Variants in ARHGAP32 observed in about 807,000 individuals in gnomAD.
ARHGAP32 encodes rho GTPase-activating protein 32.
ARHGAP32 carries 51 observed loss-of-function variants against 186.5 expected under a neutral mutation model. That is an observed-to-expected ratio of 0.27 (90% CI 0.22 to 0.35). The LOEUF (loss-of-function observed/expected upper bound fraction) is 0.35. Ranked by LOEUF, ARHGAP32 falls within the 10% of genes least tolerant of loss-of-function variation. ARHGAP32 has a pLI of 1.00. For synonymous variants in ARHGAP32, 950 were observed against 964.3 expected, an observed-to-expected ratio of 0.99 and a Z score of 0.27; for missense variants, 2,186 against 2,623.5, an observed-to-expected ratio of 0.83 and a Z score of 3.64.
chr11:128,980,865 G>C (rs960818995), intron 17 of ARHGAP32, 117 bp from the exon 18 acceptor site: 1 of 753,898 alleles, frequency 1.3e-6, no homozygotes, highest in African/African-American at 1.8e-5. Flanking sequence ...CTTCAAGTAT[G>C]TTAAATAGCA....
chr11:129,171,437 C>T (rs1208471296), intron 1 of ARHGAP32, among the ~76,000 whole-genome samples: 2 of 152,096 alleles, frequency 1.3e-5, no homozygotes, highest in East Asian at 3.8e-4. Context: ...GATCTCTTTC[C>T]CATTGTTTGT....
At chr11:128,975,970 T>C (rs1420155642) in intron 20 of ARHGAP32, among the ~76,000 whole-genome samples, 1 of 152,038 alleles carries the variant, frequency 6.6e-6, no homozygotes. Context: ...CCCAGCTATT[T>C]GGGAGGCTGA....
At chr11:129,096,393 G>A (rs532387366) in intron 5 of ARHGAP32, among the ~76,000 whole-genome samples, 156 of 152,214 alleles carry the variant, frequency 1.0e-3, no homozygotes, top group African/African-American at 3.3e-3. Flanking sequence ...GAATCTGTCC[G>A]GTGGATAACT....
At chr11:129,018,963 C>A (rs1391189605) in intron 11 of ARHGAP32, among the ~76,000 whole-genome samples, 1 of 152,094 alleles carries the variant, frequency 6.6e-6, no homozygotes, top group East Asian at 1.9e-4. Context: ...TATAAAAGTT[C>A]TTTAAGCCAA....
chr11:128,993,983 G>A (rs924989649), intron 12 of ARHGAP32, among the ~76,000 whole-genome samples: 4 of 152,038 alleles, frequency 2.6e-5, no homozygotes, highest in African/African-American at 4.8e-5. Context: ...GATGAACACT[G>A]TAGTTTAACC....
At chr11:129,184,782 G>A (rs749654492) in intron 1 of ARHGAP32, among the ~76,000 whole-genome samples, 1 of 152,040 alleles carries the variant, frequency 6.6e-6, no homozygotes, top group African/African-American at 2.4e-5. Context: ...TTAACAAGTA[G>A]TCTGGCAAAA....
At chr11:129,206,386 A>G (rs965668398) in intron 1 of ARHGAP32, among the ~76,000 whole-genome samples, 5 of 151,986 alleles carry the variant, frequency 3.3e-5, no homozygotes, top group African/African-American at 1.2e-4. Context: ...TAGTTTTTAA[A>G]TATTTTGTAG....
At position 129,265,517 on chromosome 11, in the gene ARHGAP32, A is replaced by G. The variant is rs1292158267; in HGVS notation, c.-5+13629T>C. Among the ~76,000 whole-genome samples, 3 of 152,212 alleles carry G rather than the reference A, an allele frequency of 2.0e-5. No individual in the cohort carries two copies. The East Asian group carries it at 5.8e-4, about 29-fold the overall frequency. The stretch of plus-strand genomic sequence containing the variant: ...TTTACAAAGTAGTACTGAGGAAAAC[A>G]CAGGCACTTGAAGGGCAAAAAGACC... On this transcript the variant is annotated intron_variant, in intron 1 of 6. Transcript: ENST00000525234.
intron 6 of ARHGAP32, among the ~76,000 whole-genome samples, chr11:129,085,997 A>G (rs1460800652): frequency 1.3e-5 from 2 of 148,872 alleles, no homozygotes; most frequent in Non-Finnish European, 3.0e-5. Context: ...CCATCTCAAA[A>G]AAACAAACAA....
intron 17 of ARHGAP32, among the ~76,000 whole-genome samples, chr11:128,980,993 TTTATA>T (rs1427110012): frequency 6.6e-6 from 1 of 152,246 alleles, no homozygotes; most frequent in East Asian, 1.9e-4. Context: ...TGAGAAAAGC[TTTATA>T]TTAAATAAAA....
Position 128,969,641 on chromosome 11 carries a change from C to A in ARHGAP32, c.5572G>T (p.Gly1858Cys), listed in dbSNP as rs146551425. 6.2e-7 allele frequency: 1 copy of A among 1,613,974 alleles called. No individual in the cohort carries two copies. Among genetic ancestry groups the A allele is most frequent in the African/African-American group, 1.3e-5 (1 of 74,910 alleles). Residue 1858 changes from glycine (G) to cysteine (C), a missense_variant, in exon 23 of 23, where the codon GGC becomes TGC. Coordinates refer to ENST00000682385, the MANE Select transcript of ARHGAP32 (RefSeq NM_001378024.1). This position sits in a 1 kb window ranked among gnomAD's most constrained non-coding sequence, Gnocchi z 4.8. ...AEMDRAHHHG[G>C]HGSTQPEKPS... ...TTCTCCGGCTGCGTGCTACCATGGC[C>A]TCCGTGATGGTGGGCTCTGTCCATC...
intron 6 of ARHGAP32, among the ~76,000 whole-genome samples, chr11:129,074,597 G>A (rs918491919): frequency 1.1e-4 from 17 of 152,034 alleles, no homozygotes; most frequent in African/African-American, 2.7e-4. Flanking sequence ...AGGTTCAAGC[G>A]ATTCTCCTGC....
intron 10 of ARHGAP32, among the ~76,000 whole-genome samples, chr11:129,059,839 A>T (rs1940419057): frequency 1.3e-5 from 2 of 152,042 alleles, no homozygotes; most frequent in South Asian, 4.2e-4. Flanking sequence ...ACATTTAAAG[A>T]CTTGTTCCTG....
chr11:129,075,374 G>C (rs1941002912), intron 6 of ARHGAP32, among the ~76,000 whole-genome samples: 2 of 152,292 alleles, frequency 1.3e-5, no homozygotes, highest in South Asian at 4.2e-4. Flanking sequence ...TCAGAGCAAA[G>C]AAAGTTATGA....
At chr11:129,237,167 G>C (rs1052979639) in intron 1 of ARHGAP32, among the ~76,000 whole-genome samples, 1 of 152,086 alleles carries the variant, frequency 6.6e-6, no homozygotes, top group Non-Finnish European at 1.5e-5. Context: ...TTTTGTTGAG[G>C]ATTTTGGCAT....
At chr11:129,046,159 CT>C in intron 10 of ARHGAP32, among the ~76,000 whole-genome samples, 1 of 151,974 alleles carries the variant, frequency 6.6e-6, no homozygotes, top group Admixed American at 6.5e-5. Context: ...CTTGATACAA[CT>C]GAACACAAAA....
At chr11:129,201,222 C>T (rs1944451626) in intron 1 of ARHGAP32, among the ~76,000 whole-genome samples, 1 of 152,104 alleles carries the variant, frequency 6.6e-6, no homozygotes, top group Non-Finnish European at 1.5e-5. Flanking sequence ...CTGACATGGT[C>T]TTCTGTTTTT....
Position 129,123,602 on chromosome 11 carries a change from CA to C in ARHGAP32, c.360-73del. The C allele has an allele frequency of 5.0e-6, 7 of 1,405,562 alleles. No homozygotes were observed. The highest frequency in any genetic ancestry group is 3.7e-5 in the Admixed American group (2 of 53,602). 87.1% of individuals were successfully genotyped at this position (1,405,562 alleles called of 1,614,324 possible). ...AATTACTAAGTTTAAGGGAAAAATA[CA>C]GTGGATTTAAGAGCTCATGCAAGCA... On this transcript the variant is annotated intron_variant, in intron 4 of 22. Transcript: ENST00000682385. This position sits in a 1 kb window ranked among gnomAD's most constrained non-coding sequence, Gnocchi z 4.6.
At chr11:129,005,387 CG>C (rs1242157834) in intron 11 of ARHGAP32, among the ~76,000 whole-genome samples, 1 of 152,028 alleles carries the variant, frequency 6.6e-6, no homozygotes, top group Non-Finnish European at 1.5e-5. Context: ...TCATTAATGT[CG>C]TTTTCTTTCT....
Sources: allele counts gnomAD v4.1 joint callset (sites outside exome capture counted in the v4.1 genomes callset), GRCh38; gene constraint gnomAD v4.1.1; non-coding constraint Gnocchi (gnomAD v3.1); transcripts MANE v1.5; gene names NCBI Gene and HGNC (gene_info 2026-07-23, HGNC 2026-07-21).